TMEM164: variants seen among roughly 807,000 people sequenced by gnomAD.
TMEM164 encodes the protein transmembrane protein 164, also known as RP13-360B22.2.
In TMEM164, 4 loss-of-function variants were observed where a neutral mutation model predicts 18.8. That is an observed-to-expected ratio of 0.21 (90% CI 0.10 to 0.49). TMEM164 has a LOEUF of 0.49. Among genes scored for constraint, TMEM164 ranks in the 20% least tolerant of loss-of-function variants. The probability of loss-of-function intolerance (pLI) is 0.98; values close to 1 mark genes in which losing one functional copy is unlikely to be tolerated. For synonymous variants in TMEM164, 86 were observed against 101.7 expected (o/e 0.85, Z 0.93); for missense variants, 108 against 239.9 (o/e 0.45, Z 3.63).
At chrX:110,108,349 T>C (rs1489266110) in intron 3 of TMEM164, among the ~76,000 whole-genome samples, 1 of 111,312 alleles carries the variant, frequency 9.0e-6, no homozygotes, top group Non-Finnish European at 1.9e-5. Flanking sequence ...CCTGAGTTAA[T>C]TGTGCTTGAC....
chrX:110,173,460 ATTTTT>A lies in TMEM164; in HGVS notation c.*19_*23del. 1 of 1,055,863 alleles carries A rather than the reference ATTTTT, an allele frequency of 9.5e-7. No homozygotes were observed. Among genetic ancestry groups the A allele is most frequent in the Non-Finnish European group, 1.3e-6 (1 of 789,917 alleles). 87.0% of individuals were successfully genotyped at this position (1,055,863 alleles called of 1,213,427 possible). On this transcript the variant is annotated 3_prime_UTR_variant, in exon 7 of 7. Transcript: ENST00000372068. ...CCAAGAAAATAGACTGAAGGTGCTT[ATTTTT>A]TTTTTTTTTCCTCCCTGAGGAAGCA...
chrX:110,020,130 T>C (rs746024781), intron 2 of TMEM164, among the ~76,000 whole-genome samples: 78 of 112,362 alleles, frequency 6.9e-4, no homozygotes, highest in Non-Finnish European at 1.2e-3. Context: ...CCTTGTATTA[T>C]GTAATTGTTT....
chrX:110,139,613 A>G (rs1366565915), intron 4 of TMEM164, among the ~76,000 whole-genome samples: 2 of 112,024 alleles, frequency 1.8e-5, no homozygotes, highest in Non-Finnish European at 3.8e-5. Flanking sequence ...TTCTCCAGAC[A>G]TGTTTGCTTG....
intron 5 of TMEM164, among the ~76,000 whole-genome samples, chrX:110,157,344 T>C (rs1469366350): frequency 1.8e-5 from 2 of 111,600 alleles, no homozygotes; most frequent in Non-Finnish European, 3.8e-5. Flanking sequence ...AATCAGGTCC[T>C]CAGAGAAGTG....
intron 3 of TMEM164, among the ~76,000 whole-genome samples, chrX:110,098,909 C>T (rs56731969): frequency 1.9e-5 from 2 of 103,083 alleles, no homozygotes; most frequent in African/African-American, 3.6e-5. Flanking sequence ...CAGCCTTTCA[C>T]GTAGCTGGGA....
intron 2 of TMEM164, among the ~76,000 whole-genome samples, chrX:110,043,310 A>G (rs757606275): frequency 4.4e-5 from 5 of 112,863 alleles, no homozygotes; most frequent in Non-Finnish European, 7.5e-5. Context: ...AAGCAAGAAT[A>G]ATTATTTGTT....
chrX:110,161,659 A>T (rs2067095580), intron 5 of TMEM164, among the ~76,000 whole-genome samples: 1 of 111,842 alleles, frequency 8.9e-6, no homozygotes, highest in African/African-American at 3.3e-5. Flanking sequence ...ACCTGGCCAG[A>T]CTCTGTCCCC....
chrX:110,027,402 A>G (rs1934248215), intron 2 of TMEM164, among the ~76,000 whole-genome samples: 1 of 111,667 alleles, frequency 9.0e-6, no homozygotes, highest in Non-Finnish European at 1.9e-5. Flanking sequence ...CTTGATCATG[A>G]TATATTATCT....
At chrX:110,035,868 G>A (rs1416046138) in intron 2 of TMEM164, among the ~76,000 whole-genome samples, 1 of 109,488 alleles carries the variant, frequency 9.1e-6, no homozygotes, top group Non-Finnish European at 1.9e-5. Context: ...TTTCCTTGAA[G>A]TGGAGTTACC....
Position 110,176,475 on chromosome X carries a change from C to G in TMEM164, c.*3024C>G. 1.4e-6 allele frequency: 1 copy of G among 738,494 alleles called. No individual in the cohort carries two copies. Among genetic ancestry groups the G allele is most frequent in the Non-Finnish European group, 1.6e-6 (1 of 623,435 alleles). 60.9% of individuals were successfully genotyped at this position (738,494 alleles called of 1,213,427 possible). On this transcript the variant is annotated 3_prime_UTR_variant, in exon 7 of 7. Transcript: ENST00000372068. Reference sequence around the variant, plus strand: ...TCTTTCTCTCTCTCTCCTCAAACTTCATCGCATTCATAGAAGCTGCTTGCA... The same window carrying G: ...TCTTTCTCTCTCTCTCCTCAAACTTGATCGCATTCATAGAAGCTGCTTGCA...
intron 3 of TMEM164, among the ~76,000 whole-genome samples, chrX:110,098,950 ATTTTTTT>A (rs772519388): frequency 3.5e-5 from 3 of 85,063 alleles, no homozygotes; most frequent in Non-Finnish European, 6.9e-5. Context: ...CACCCGGCTA[ATTTTTTT>A]TTTTTTTTTT....
intron 2 of TMEM164, among the ~76,000 whole-genome samples, chrX:110,053,253 A>G (rs1187259561): frequency 9.0e-6 from 1 of 111,604 alleles, no homozygotes; most frequent in Non-Finnish European, 1.9e-5. Flanking sequence ...AGGCTAACTC[A>G]CCAACCAGCT....
intron 2 of TMEM164, among the ~76,000 whole-genome samples, chrX:110,058,608 T>C (rs1379699056): frequency 1.5e-5 from 1 of 68,130 alleles, no homozygotes; most frequent in Non-Finnish European, 3.6e-5. Flanking sequence ...CCCCTTTCTT[T>C]CTTTTTTTTT....
At chrX:110,135,871 A>T (rs2066683705) in intron 4 of TMEM164, among the ~76,000 whole-genome samples, 1 of 112,025 alleles carries the variant, frequency 8.9e-6, no homozygotes, top group Non-Finnish European at 1.9e-5. Context: ...TTCAGCCTGC[A>T]GCTCCTAAGA....
chrX:110,111,334 A>G (rs745351759), intron 4 of TMEM164, among the ~76,000 whole-genome samples: 3 of 112,750 alleles, frequency 2.7e-5, no homozygotes, highest in Non-Finnish European at 5.6e-5. Flanking sequence ...TTCCTGCCTC[A>G]GGGTTGTGGA....
intron 5 of TMEM164, among the ~76,000 whole-genome samples, chrX:110,156,524 G>A (rs2067018317): frequency 8.9e-6 from 1 of 111,770 alleles, no homozygotes; most frequent in African/African-American, 3.3e-5. Flanking sequence ...GACTGGGTGG[G>A]ATAGAGTATC....
rs1427625224 is a variant in TMEM164 at position 110,098,947 on chromosome X, CTAA to C, written c.441-10131_441-10129del. 4.0e-5 allele frequency among the ~76,000 whole-genome samples: 4 copies of C among 98,845 alleles called. No individual in the cohort carries two copies. In the Admixed American group the frequency reaches 4.4e-4, roughly 11 times the overall value. 85.8% of individuals were successfully genotyped at this position (98,845 alleles called of 115,157 possible). A position where few individuals can be genotyped will look rare whatever the true frequency, so the allele number is the denominator to read the frequency against. ...ACAAGGCACCCGCCACCACACCCGG[CTAA>C]TTTTTTTTTTTTTTTTTTTTTGTAT... On this transcript the variant is annotated intron_variant, in intron 3 of 6. Coordinates refer to ENST00000372068, the MANE Select transcript of TMEM164 (RefSeq NM_032227.4).
chrX:110,051,239 A>AT (rs1935539754), intron 2 of TMEM164, among the ~76,000 whole-genome samples: 1 of 111,988 alleles, frequency 8.9e-6, no homozygotes, highest in Non-Finnish European at 1.9e-5. Flanking sequence ...GTACATTGAA[A>AT]TCAGCTGGAG....
At chrX:110,011,333 T>C (rs961779207) in intron 2 of TMEM164, among the ~76,000 whole-genome samples, 9 of 112,034 alleles carry the variant, frequency 8.0e-5, no homozygotes, top group East Asian at 5.6e-4. Context: ...TCTTTTTTTT[T>C]CCTAATGCAA....
Sources: allele counts gnomAD v4.1 joint callset (sites outside exome capture counted in the v4.1 genomes callset), GRCh38; gene constraint gnomAD v4.1.1; transcripts MANE v1.5; gene names NCBI Gene and HGNC (gene_info 2026-07-23, HGNC 2026-07-21).